Variants in GRM8 observed in about 807,000 individuals in gnomAD.
GRM8 encodes the protein metabotropic glutamate receptor 8.
GRM8 carries 47 observed loss-of-function variants against 87.2 expected under a neutral mutation model. That is an observed-to-expected ratio of 0.54 (90% CI 0.43 to 0.69). The LOEUF (loss-of-function observed/expected upper bound fraction) is 0.69. Ranked by LOEUF, GRM8 falls within the 30% of genes least tolerant of loss-of-function variation. The probability of loss-of-function intolerance (pLI) is 0.00; values close to 1 mark genes in which losing one functional copy is unlikely to be tolerated. For synonymous variants in GRM8, 396 were observed against 404.5 expected (o/e 0.98, Z 0.25); for missense variants, 1,019 against 1,139.2 (o/e 0.89, Z 1.52).
intron 6 of GRM8, among the ~76,000 whole-genome samples, chr7:126,789,956 C>A (rs958294778): frequency 6.6e-6 from 1 of 152,062 alleles, no homozygotes; most frequent in African/African-American, 2.4e-5. Context: ...TGAAATCCAA[C>A]TATTTTATTT....
At chr7:126,498,294 C>T (rs1809083537) in intron 9 of GRM8, among the ~76,000 whole-genome samples, 1 of 151,884 alleles carries the variant, frequency 6.6e-6, no homozygotes, top group South Asian at 2.1e-4. Context: ...AAAGAAACAT[C>T]TTGACTGCTC....
At chr7:127,180,169 A>G (rs1260618251) in intron 2 of GRM8, among the ~76,000 whole-genome samples, 1 of 152,144 alleles carries the variant, frequency 6.6e-6, no homozygotes, top group Non-Finnish European at 1.5e-5. Flanking sequence ...GACAGGAGAT[A>G]TTACAACTGA....
chr7:126,496,774 G>A (rs1808805419), intron 9 of GRM8, among the ~76,000 whole-genome samples: 1 of 151,842 alleles, frequency 6.6e-6, no homozygotes, highest in Admixed American at 6.6e-5. Context: ...AGGAGAAATT[G>A]GGGTGATGTA....
At chr7:126,766,266 A>G (rs1043991985) in intron 7 of GRM8, among the ~76,000 whole-genome samples, 2 of 152,144 alleles carry the variant, frequency 1.3e-5, no homozygotes, top group Non-Finnish European at 2.9e-5. Flanking sequence ...ATGAGCTTCC[A>G]GTGCTCTGGC....
chr7:126,731,274 C>T (rs1434061671), intron 7 of GRM8, among the ~76,000 whole-genome samples: 1 of 152,136 alleles, frequency 6.6e-6, no homozygotes, highest in African/African-American at 2.4e-5. Flanking sequence ...GAGAGAACCA[C>T]TCAATATCCT....
At chr7:127,026,658 T>C (rs1816809443) in intron 3 of GRM8, among the ~76,000 whole-genome samples, 1 of 152,186 alleles carries the variant, frequency 6.6e-6, no homozygotes, top group Non-Finnish European at 1.5e-5. Context: ...TTTTGAGAAG[T>C]GTCTGTTCAT....
intron 3 of GRM8, among the ~76,000 whole-genome samples, chr7:127,088,699 G>A (rs575866900): frequency 6.6e-6 from 1 of 152,272 alleles, no homozygotes; most frequent in South Asian, 2.1e-4. Context: ...CATCTGTGTG[G>A]TTCACCTGCC....
chr7:126,604,191 T>C (rs1798115448), intron 8 of GRM8, among the ~76,000 whole-genome samples: 1 of 152,148 alleles, frequency 6.6e-6, no homozygotes, highest in African/African-American at 2.4e-5. Flanking sequence ...ACTATAGGTA[T>C]GTGGTAAAGA....
chr7:127,043,683 G>A (rs935895565), intron 3 of GRM8, among the ~76,000 whole-genome samples: 5 of 152,154 alleles, frequency 3.3e-5, no homozygotes, highest in Non-Finnish European at 7.3e-5. Flanking sequence ...GTTAATGGGT[G>A]CAGCACACCA....
intron 9 of GRM8, among the ~76,000 whole-genome samples, chr7:126,495,453 C>T (rs913800381): frequency 2.0e-5 from 3 of 151,964 alleles, no homozygotes; most frequent in African/African-American, 7.2e-5. Flanking sequence ...AGATGTGACA[C>T]ATCCAGAAGG....
At chr7:126,525,704 A>G (rs1183420776) in intron 9 of GRM8, among the ~76,000 whole-genome samples, 1 of 152,038 alleles carries the variant, frequency 6.6e-6, no homozygotes, top group Non-Finnish European at 1.5e-5. Flanking sequence ...AGTTTTACCA[A>G]ATGTTTGTTC....
At chr7:126,490,029 G>T (rs549068344) in intron 9 of GRM8, among the ~76,000 whole-genome samples, 1 of 152,156 alleles carries the variant, frequency 6.6e-6, no homozygotes, top group East Asian at 2.0e-4. Flanking sequence ...CCTCCAACTG[G>T]GAGTGACACC....
intron 7 of GRM8, among the ~76,000 whole-genome samples, chr7:126,740,217 T>C (rs1484504774): frequency 2.0e-5 from 3 of 152,054 alleles, no homozygotes; most frequent in African/African-American, 4.8e-5. Context: ...TTTACCTAGC[T>C]CCTGAACAAT....
At chr7:127,125,719 C>T (rs950450943) in intron 2 of GRM8, among the ~76,000 whole-genome samples, 4 of 149,896 alleles carry the variant, frequency 2.7e-5, no homozygotes, top group Non-Finnish European at 5.9e-5. Flanking sequence ...ACTATGCATC[C>T]ATCAGGGGAC....
chr7:126,646,900 G>A (rs1803164997), intron 7 of GRM8, among the ~76,000 whole-genome samples: 1 of 152,098 alleles, frequency 6.6e-6, no homozygotes, highest in Admixed American at 6.6e-5. Flanking sequence ...ACACTCTCCA[G>A]AGGAAGAGAG....
chr7:126,667,594 T>C (rs1585439043), intron 7 of GRM8, among the ~76,000 whole-genome samples: 1 of 152,272 alleles, frequency 6.6e-6, no homozygotes, highest in Non-Finnish European at 1.5e-5. Flanking sequence ...ACAATGGACT[T>C]CCAAGATTCA....
chr7:127,184,828 A>G (rs1054748261), intron 2 of GRM8, among the ~76,000 whole-genome samples: 8 of 152,026 alleles, frequency 5.3e-5, no homozygotes, highest in African/African-American at 1.9e-4. Flanking sequence ...TTGCTCTTCT[A>G]TATACCAAAA....
intron 8 of GRM8, among the ~76,000 whole-genome samples, chr7:126,536,716 CAT>C (rs72352990): frequency 0.018 from 2,752 of 152,096 alleles, 77 homozygotes; most frequent in African/African-American, 0.063. Context: ...CTAAGGGACT[CAT>C]AAGATAAGAA....
At chr7:126,574,417 A>C (rs1794940326) in intron 8 of GRM8, among the ~76,000 whole-genome samples, 1 of 151,930 alleles carries the variant, frequency 6.6e-6, no homozygotes, top group African/African-American at 2.4e-5. Flanking sequence ...GTAAGTCTGT[A>C]AACAGAGACT....
Sources: allele counts gnomAD v4.1 joint callset (sites outside exome capture counted in the v4.1 genomes callset), GRCh38; gene constraint gnomAD v4.1.1; transcripts MANE v1.5; gene names NCBI Gene and HGNC (gene_info 2026-07-23, HGNC 2026-07-21).